The following ANGPT2 variants were observed in gnomAD, a reference collection of about 807,000 sequenced individuals.
The protein encoded by ANGPT2 is angiopoietin 2, also known as angiopoietin-2.
A neutral mutation model predicts 62.9 loss-of-function variants in ANGPT2; 28 were observed. The observed-to-expected ratio is 0.44, with a 90% CI of 0.33 to 0.61. The LOEUF (loss-of-function observed/expected upper bound fraction) is 0.61, where lower values mean the gene tolerates loss of function less well. Among genes scored for constraint, ANGPT2 ranks in the 20% least tolerant of loss-of-function variants. The pLI, the probability that ANGPT2 is intolerant of heterozygous loss-of-function variation, is 0.03. For synonymous variants in ANGPT2, 284 were observed against 207.8 expected (o/e 1.37, Z -3.15); for missense variants, 727 against 594.9 (o/e 1.22, Z -2.31).
intron 1 of ANGPT2, among the ~76,000 whole-genome samples, chr8:6,541,206 C>T (rs1417059345): frequency 6.6e-6 from 1 of 152,182 alleles, no homozygotes; most frequent in African/African-American, 2.4e-5. Flanking sequence ...TGAGCAGCAC[C>T]AGAGGGTTTC....
chr8:6,504,201 C>A (rs1035150101), intron 8 of ANGPT2, among the ~76,000 whole-genome samples: 1 of 151,258 alleles, frequency 6.6e-6, no homozygotes, highest in Admixed American at 6.6e-5. Flanking sequence ...GCCTGTAGTC[C>A]CAGCTACTCG....
At chr8:6,539,340 T>C (rs1258561103) in intron 1 of ANGPT2, among the ~76,000 whole-genome samples, 4 of 152,300 alleles carry the variant, frequency 2.6e-5, no homozygotes, top group Middle Eastern at 3.4e-3. Context: ...TGACTGTTTT[T>C]ATAGTCTTGG....
chr8:6,547,075 TAATG>T (rs1822731604), intron 1 of ANGPT2, among the ~76,000 whole-genome samples: 1 of 152,088 alleles, frequency 6.6e-6, no homozygotes, highest in Admixed American at 6.5e-5. Context: ...GCCTTCGGGC[TAATG>T]CGTTTTTGGA....
intron 3 of ANGPT2, among the ~76,000 whole-genome samples, chr8:6,522,865 C>T (rs1054963647): frequency 7.9e-5 from 12 of 152,168 alleles, no homozygotes; most frequent in Non-Finnish European, 1.3e-4. Context: ...AATACAATCC[C>T]AGAACTTTCT....
chr8:6,511,002 A>G (rs1163789068), intron 7 of ANGPT2, among the ~76,000 whole-genome samples: 1 of 152,100 alleles, frequency 6.6e-6, no homozygotes. Flanking sequence ...CTTTCTTTCC[A>G]TTGTCTTCCC....
In ANGPT2 at chr8:6,563,048, C is replaced by T. The variant is rs576670906; in HGVS notation, c.-114G>A. The T allele has an allele frequency of 1.5e-3, 1,847 of 1,199,270 alleles. 3 individuals carry two copies. The highest frequency in any genetic ancestry group is 2.4e-3 in the Admixed American group (93 of 38,812). 74.3% of individuals were successfully genotyped at this position (1,199,270 alleles called of 1,614,324 possible). A position where few individuals can be genotyped will look rare whatever the true frequency, so the allele number is the denominator to read the frequency against. ...GCTGCTACGCTGCCATGGCTGGGTC[C>T]GTCAATGAAAGTCTTCTCTTTCCTC... On this transcript the variant is annotated 5_prime_UTR_variant, in exon 1 of 9. Coordinates refer to ENST00000629816, the MANE Select transcript of ANGPT2 (RefSeq NM_001118887.2).
intron 5 of ANGPT2, among the ~76,000 whole-genome samples, chr8:6,517,894 A>G (rs951646398): frequency 5.9e-5 from 9 of 152,258 alleles, no homozygotes; most frequent in African/African-American, 1.7e-4. Flanking sequence ...GACACCACTT[A>G]TTTTTCAAGA....
intron 3 of ANGPT2, among the ~76,000 whole-genome samples, chr8:6,521,624 A>T (rs1486876489): frequency 6.6e-6 from 1 of 152,228 alleles, no homozygotes; most frequent in African/African-American, 2.4e-5. Flanking sequence ...GCATATATGT[A>T]TGTACATGCA....
chr8:6,539,314 G>C (rs1370481384), intron 1 of ANGPT2, among the ~76,000 whole-genome samples: 3 of 152,220 alleles, frequency 2.0e-5, no homozygotes, highest in South Asian at 4.1e-4. Flanking sequence ...CCATGCCAAA[G>C]CTACTTGCCA....
chr8:6,558,590 G>A (rs993052097), intron 1 of ANGPT2, among the ~76,000 whole-genome samples: 1 of 152,088 alleles, frequency 6.6e-6, no homozygotes, highest in African/African-American at 2.4e-5. Context: ...CAACTGTAAA[G>A]AGCCACATTG....
intron 3 of ANGPT2, among the ~76,000 whole-genome samples, chr8:6,525,358 TAGG>T (rs1242624752): frequency 3.3e-5 from 5 of 152,130 alleles, no homozygotes; most frequent in African/African-American, 1.2e-4. Flanking sequence ...GCCATCCAAA[TAGG>T]AGGGATTACA....
chr8:6,535,901 A>AT (rs1330990463), intron 1 of ANGPT2, among the ~76,000 whole-genome samples: 1 of 151,812 alleles, frequency 6.6e-6, no homozygotes, highest in Non-Finnish European at 1.5e-5. Context: ...ACAAAAAAAA[A>AT]AAAAAATTAG....
intron 2 of ANGPT2, among the ~76,000 whole-genome samples, chr8:6,531,007 A>T (rs530053061): frequency 5.6e-5 from 8 of 143,890 alleles, no homozygotes; most frequent in Admixed American, 2.0e-4. Context: ...CTCTTTTTTT[A>T]AAAGTATTCC....
At chr8:6,560,864 G>A (rs1036311331) in intron 1 of ANGPT2, among the ~76,000 whole-genome samples, 1 of 152,174 alleles carries the variant, frequency 6.6e-6, no homozygotes, top group Non-Finnish European at 1.5e-5. Flanking sequence ...AGTTAATTAA[G>A]CAAATACAAT....
At chr8:6,545,934 CTTTG>C (rs780465962) in intron 1 of ANGPT2, among the ~76,000 whole-genome samples, 2 of 152,148 alleles carry the variant, frequency 1.3e-5, no homozygotes, top group Non-Finnish European at 2.9e-5. Flanking sequence ...AATAAAATAA[CTTTG>C]TTCATATTGA....
chr8:6,520,586 G>C (rs1039289551), intron 4 of ANGPT2, among the ~76,000 whole-genome samples: 1 of 152,118 alleles, frequency 6.6e-6, no homozygotes, highest in African/African-American at 2.4e-5. Flanking sequence ...AGTAGAGACA[G>C]GATTTCACCA....
intron 3 of ANGPT2, among the ~76,000 whole-genome samples, chr8:6,524,319 G>A (rs900731216): frequency 6.6e-6 from 1 of 152,160 alleles, no homozygotes; most frequent in Non-Finnish European, 1.5e-5. Flanking sequence ...TTCTGTTAAT[G>A]TCACATTAGA....
At chr8:6,544,130 A>G (rs992076570) in intron 1 of ANGPT2, among the ~76,000 whole-genome samples, 46 of 152,244 alleles carry the variant, frequency 3.0e-4, no homozygotes, top group African/African-American at 1.1e-3. Context: ...CATAACTTTT[A>G]TCTTCATCTC....
chr8:6,526,207 T>C (rs1033809551), intron 3 of ANGPT2, among the ~76,000 whole-genome samples: 9 of 145,092 alleles, frequency 6.2e-5, no homozygotes, highest in African/African-American at 2.3e-4. Context: ...AAGGCTTAAA[T>C]TCAGGAGTTT....
Sources: allele counts gnomAD v4.1 joint callset (sites outside exome capture counted in the v4.1 genomes callset), GRCh38; gene constraint gnomAD v4.1.1; transcripts MANE v1.5; gene names NCBI Gene and HGNC (gene_info 2026-07-23, HGNC 2026-07-21).